Variants in LRP4 observed in about 807,000 individuals in gnomAD.
The protein encoded by LRP4 is low-density lipoprotein receptor-related protein 4.
Under a neutral mutation model 220.3 loss-of-function variants are expected in LRP4, and 95 were observed. That is an observed-to-expected ratio of 0.43 (90% CI 0.37 to 0.51). The LOEUF is 0.51. Ranked by LOEUF, LRP4 falls within the 20% of genes least tolerant of loss-of-function variation. The pLI is 0.00. For synonymous variants in LRP4, 903 were observed against 954.6 expected (o/e 0.95, Z 1.00); for missense variants, 1,925 against 2,567.0 (o/e 0.75, Z 5.40).
In LRP4 at chr11:46,896,936, C is replaced by G. The variant is rs758409893; in HGVS notation, c.855G>C (p.Leu285=). 2 of 1,614,120 alleles carry G rather than the reference C, an allele frequency of 1.2e-6. No individual in the cohort carries two copies. The highest frequency in any genetic ancestry group is 3.3e-5 in the Admixed American group (2 of 60,014). Residue 285 remains leucine (L), a synonymous_variant, in exon 8 of 38, where the codon CTG becomes CTC. Coordinates refer to ENST00000378623, the MANE Select transcript of LRP4 (RefSeq NM_002334.4). ...CGTCCTCCCCATCACAGCGCCAGGA[C>G]AGGCGGACACAGCGGCCTGAGTGAC... is the stretch of plus-strand genomic sequence containing the variant. ...FRCHSGRCVR[L]SWRCDGEDDC... is the part of the protein sequence containing the mutation.
chr11:46,893,185 CA>C, intron 12 of LRP4, 56 bp from the exon 13 acceptor site: 1 of 1,606,076 alleles, frequency 6.2e-7, no homozygotes. Context: ...CCCCATGTCC[CA>C]TAGTAATAGG....
intron 20 of LRP4, 141 bp downstream of exon 20, chr11:46,881,561 A>G (rs1222282154): frequency 7.2e-6 from 6 of 836,494 alleles, no homozygotes; most frequent in Non-Finnish European, 1.2e-5. Flanking sequence ...GAAACAGCAC[A>G]TGCCCCATGC....
rs1317270259 is a variant in LRP4, at chr11:46,857,492, T to C, written c.*1491A>G. The C allele has an allele frequency of 6.6e-6, 1 of 152,206 alleles. No homozygotes were observed. Among genetic ancestry groups the C allele is most frequent in the Non-Finnish European group, 1.5e-5 (1 of 68,072 alleles). 9.4% of individuals were successfully genotyped at this position (152,206 alleles called of 1,614,324 possible). On this transcript the variant is annotated 3_prime_UTR_variant, in exon 38 of 38. Transcript: ENST00000378623. ...GGGGAGAAGAGGTCTGGGTCTGCCA[T>C]GGGCTAGGAGGGCCTCATCAGTGGT...
chr11:46,862,682 C>T lies in LRP4; in HGVS notation c.5309G>A (p.Arg1770Gln), dbSNP rs150211735. The T allele has an allele frequency of 1.4e-5, 23 of 1,613,532 alleles. No homozygotes were observed. The highest frequency in any genetic ancestry group is 1.6e-4 in the Middle Eastern group (1 of 6,084). ...AATCTTCACTTCCTGTGTGGATGTTCGGTAGGAGGGGTTGCTGTAGGTGAG... is the reference window on the plus strand; with the variant it reads ...AATCTTCACTTCCTGTGTGGATGTTTGGTAGGAGGGGTTGCTGTAGGTGAG... ...GNLTYSNPSY[R>Q]TSTQEVKIEA... The change falls in exon 37 of 38, where the codon CGA becomes CAA. Residue 1770 changes from arginine to glutamine, a missense_variant. By Grantham distance (43) the Arg-to-Gln change is conservative (BLOSUM62 1). Coordinates refer to ENST00000378623, the MANE Select transcript of LRP4 (RefSeq NM_002334.4).
Position 46,899,292 on chromosome 11 carries a change from C to T in LRP4, c.547+95G>A, listed in dbSNP as rs1941614472. 1 of 1,074,546 alleles carries T rather than the reference C, an allele frequency of 9.3e-7. No individual in the cohort carries two copies. Among genetic ancestry groups the T allele is most frequent in the Admixed American group, 1.7e-5 (1 of 59,338 alleles). The allele number at this position is 1,074,546 out of a possible 1,614,324, so 66.6% of individuals were successfully genotyped here. On this transcript the variant is annotated intron_variant, in intron 5 of 37. Transcript: ENST00000378623. This position sits in a 1 kb window ranked among gnomAD's most constrained non-coding sequence, Gnocchi z 5.9. ...CTGCTGAGGCACCCATGCTCCTTGC[C>T]CTTGGTACATGCACTCCTCAGCCTC... is the stretch of plus-strand genomic sequence containing the variant.
intron 22 of LRP4, among the ~76,000 whole-genome samples, chr11:46,878,284 T>C (rs1295220787): frequency 9.0e-5 from 13 of 144,292 alleles, no homozygotes; most frequent in Non-Finnish European, 1.8e-4. Flanking sequence ...CTTTTTTTTT[T>C]TTTTTTTTTT....
intron 1 of LRP4, among the ~76,000 whole-genome samples, chr11:46,913,152 T>C (rs950974738): frequency 1.3e-5 from 2 of 152,138 alleles, no homozygotes; most frequent in African/African-American, 4.8e-5. Context: ...TAACAGCCAG[T>C]CCGCTCATCT....
At chr11:46,877,157 G>A in intron 23 of LRP4, 42 bp downstream of exon 23, 1 of 1,609,286 alleles carries the variant, frequency 6.2e-7, no homozygotes, top group Non-Finnish European at 8.5e-7. Flanking sequence ...TTGTTGAAGG[G>A]CAGGGACAGA....
At chr11:46,864,166 T>C (rs1428295182) in intron 36 of LRP4, among the ~76,000 whole-genome samples, 1 of 152,220 alleles carries the variant, frequency 6.6e-6, no homozygotes, top group Non-Finnish European at 1.5e-5. Flanking sequence ...GCCTCTTACT[T>C]TGTGACCTTG....
intron 22 of LRP4, among the ~76,000 whole-genome samples, chr11:46,877,705 G>C (rs548558043): frequency 1.3e-5 from 2 of 152,130 alleles, no homozygotes; most frequent in Non-Finnish European, 2.9e-5. Flanking sequence ...CTGGGCTCAA[G>C]CCTCTGCCCA....
Position 46,883,875 on chromosome 11 carries a change from C to A in LRP4, c.2608G>T (p.Gly870Cys), listed in dbSNP as rs149730166. The change falls in exon 19 of 38, where the codon GGC becomes TGC. Residue 870 changes from glycine to cysteine, a missense_variant. Physicochemically the swap from Gly to Cys is radical, Grantham distance 159 (BLOSUM62 -3). This residue lies in a region of LRP4 where 1,244 missense variants were observed against 1,624.9 expected (regional missense o/e 0.77). Coordinates refer to ENST00000378623, the MANE Select transcript of LRP4 (RefSeq NM_002334.4). ...TCCCAAGGGGCAGCCACTCACCCGC[C>A]CATGGGTTCCACCACGATGTCCCGA... ...RPRDIVVEPMGGYMYWTDWGA... is the reference protein window; with the variant it reads ...RPRDIVVEPMCGYMYWTDWGA... 1.9e-6 allele frequency: 3 copies of A among 1,613,782 alleles called. No individual in the cohort carries two copies. Among genetic ancestry groups the A allele is most frequent in the Non-Finnish European group, 2.5e-6 (3 of 1,179,802 alleles).
In LRP4 at chr11:46,875,229, G is replaced by A; in HGVS notation, c.3926-126C>T. The A allele has an allele frequency of 1.9e-6, 2 of 1,029,278 alleles. No homozygotes were observed. Among genetic ancestry groups the A allele is most frequent in the Non-Finnish European group, 2.9e-6 (2 of 685,330 alleles). The allele number at this position is 1,029,278 out of a possible 1,614,324, so 63.8% of individuals were successfully genotyped here. Reference sequence around the variant, plus strand: ...GACAGGATTCAGTGCCTGGCAGGGTGAGGTAGAAGGAGGGTCTGCAGGAGG... The same window carrying A: ...GACAGGATTCAGTGCCTGGCAGGGTAAGGTAGAAGGAGGGTCTGCAGGAGG... On this transcript the variant is annotated intron_variant, in intron 27 of 37. Transcript: ENST00000378623. This position sits in a 1 kb window ranked among gnomAD's most constrained non-coding sequence, Gnocchi z 4.5.
At position 46,903,049 on chromosome 11, in the gene LRP4, C is replaced by T. The variant is rs1051056022; in HGVS notation, c.53-120G>A. ...TGTCACCTGGAGAGTCACAGTGACA[C>T]TTCAAGGGAGATGCAGGCAGTAAAA... On this transcript the variant is annotated intron_variant, in intron 1 of 37. Transcript: ENST00000378623. The T allele has an allele frequency of 1.0e-5, 12 of 1,198,492 alleles. No homozygotes were observed. In the African/African-American group the frequency reaches 1.5e-4, roughly 15 times the overall value. 74.2% of individuals were successfully genotyped at this position (1,198,492 alleles called of 1,614,324 possible).
In LRP4 at chr11:46,893,015, T is replaced by C. The variant is rs1941454978; in HGVS notation, c.1655A>G (p.Asn552Ser). Reference sequence around the variant, plus strand: ...GGCAATGGCCCGGGGCTTCTCCAGGTTCTGCCACAGCAACACTTTCCGGTG... The same window carrying C: ...GGCAATGGCCCGGGGCTTCTCCAGGCTCTGCCACAGCAACACTTTCCGGTG... ...GAHRKVLLWQ[N>S]LEKPRAIALH... Residue 552 changes from asparagine to serine, a missense_variant, in exon 13 of 38, where the codon AAC becomes AGC. Transcript: ENST00000378623. 1 of 1,614,050 alleles carries C rather than the reference T, an allele frequency of 6.2e-7. No homozygotes were observed. Among genetic ancestry groups the C allele is most frequent in the East Asian group, 2.2e-5 (1 of 44,878 alleles).
intron 36 of LRP4, among the ~76,000 whole-genome samples, chr11:46,864,066 T>C (rs533330617): frequency 3.9e-5 from 6 of 152,140 alleles, no homozygotes; most frequent in African/African-American, 1.2e-4. Context: ...AAGGCTGTGT[T>C]TGTATAAGGG....
Position 46,859,864 on chromosome 11 carries a change from C to T in LRP4, c.5386-549G>A, listed in dbSNP as rs575773119. Reference sequence around the variant, plus strand: ...ATTTATTCAGGATTTTAAGCTACTTCGGGTGCTAGTTTGTATCTCTTTTTT... The same window carrying T: ...ATTTATTCAGGATTTTAAGCTACTTTGGGTGCTAGTTTGTATCTCTTTTTT... On this transcript the variant is annotated intron_variant, in intron 37 of 37. Transcript: ENST00000378623. Among the ~76,000 whole-genome samples, 156 of 152,242 alleles carry T rather than the reference C, an allele frequency of 1.0e-3. No individual in the cohort carries two copies. The Middle Eastern group carries it at 0.017, about 17-fold the overall frequency.
At position 46,895,168 on chromosome 11, in the gene LRP4, A is replaced by C. The variant is rs1272131896; in HGVS notation, c.1307T>G (p.Leu436Arg). 6.2e-7 allele frequency: 1 copy of C among 1,613,808 alleles called. No homozygotes were observed. The highest frequency in any genetic ancestry group is 1.3e-5 in the African/African-American group (1 of 74,906). ...AGCCAAGTGCCAACAGCCCTTACCC[A>C]GAGCCTTGCAGCTGCGCCGGTCGGG... ...LRPDRRSCKA[L>R]GPEPVLLFAN... is the part of the protein sequence containing the mutation. Residue 436 changes from leucine to arginine, a missense_variant and splice_region_variant, in exon 11 of 38, where the codon CTG becomes CGG. Transcript: ENST00000378623.
chr11:46,913,273 C>T (rs978599284), intron 1 of LRP4, among the ~76,000 whole-genome samples: 1 of 152,188 alleles, frequency 6.6e-6, no homozygotes, highest in Non-Finnish European at 1.5e-5. Flanking sequence ...AAATCAAAAA[C>T]GCACAACAGA....
Position 46,876,547 on chromosome 11 carries a change from T to C in LRP4, c.3455A>G (p.Asn1152Ser). 2 of 1,614,226 alleles carry C rather than the reference T, an allele frequency of 1.2e-6. No homozygotes were observed. The highest frequency in any genetic ancestry group is 1.7e-6 in the Non-Finnish European group (2 of 1,180,044). ...CACTTTCCGCATGGACCCGTCCAGGTTGCCCACTTCAATCCGGTTTGTTCC... is the reference window on the plus strand; with the variant it reads ...CACTTTCCGCATGGACCCGTCCAGGCTGCCCACTTCAATCCGGTTTGTTCC... Reference protein sequence around the residue: ...DTGTNRIEVGNLDGSMRKVLV... With the variant: ...DTGTNRIEVGSLDGSMRKVLV... The change falls in exon 25 of 38, where the codon AAC becomes AGC. Residue 1152 changes from asparagine to serine, a missense_variant. Physicochemically the swap from Asn to Ser is conservative, Grantham distance 46. Around this residue, in one of 3 missense-constraint regions of LRP4, gnomAD observed 1,244 missense variants for 1,624.9 expected, o/e 0.77. Transcript: ENST00000378623.
Sources: allele counts gnomAD v4.1 joint callset (sites outside exome capture counted in the v4.1 genomes callset), GRCh38; gene constraint gnomAD v4.1.1; regional missense constraint gnomAD v4.1.1; non-coding constraint Gnocchi (gnomAD v3.1); transcripts MANE v1.5; gene names NCBI Gene and HGNC (gene_info 2026-07-23, HGNC 2026-07-21).